The following EFL1 variants were observed in gnomAD, a reference collection of about 807,000 sequenced individuals.
EFL1 encodes the protein elongation factor like GTPase 1.
EFL1 carries 76 observed loss-of-function variants against 126.7 expected under a neutral mutation model. The ratio of observed to expected loss-of-function variants is 0.60; its 90% CI spans 0.50 to 0.73. The LOEUF is 0.73. Ranked by LOEUF, EFL1 falls within the 30% of genes least tolerant of loss-of-function variation. The pLI, the probability that EFL1 is intolerant of heterozygous loss-of-function variation, is 0.00. For synonymous variants in EFL1, 410 were observed against 448.4 expected, an observed-to-expected ratio of 0.91 and a Z score of 1.08; for missense variants, 1,128 against 1,343.2, an observed-to-expected ratio of 0.84 and a Z score of 2.50.
At chr15:82,154,924 T>A (rs11855089) in intron 17 of EFL1, among the ~76,000 whole-genome samples, 53 of 152,088 alleles carry the variant, frequency 3.5e-4, no homozygotes, top group Admixed American at 1.1e-3. Flanking sequence ...ACCTGCCCGA[T>A]TAATTTATTT....
At chr15:82,159,879 T>C (rs565828156) in intron 16 of EFL1, 9 of 152,338 alleles carry the variant, frequency 5.9e-5, no homozygotes, top group Admixed American at 2.6e-4. Context: ...CCTTTTCCAG[T>C]GATAATGGTC....
At chr15:82,152,520 A>G in intron 17 of EFL1, 97 bp from the exon 18 acceptor site, 1 of 1,020,524 alleles carries the variant, frequency 9.8e-7, no homozygotes. Flanking sequence ...TTCTGTAAAA[A>G]CATAGGAACA....
intron 4 of EFL1, among the ~76,000 whole-genome samples, chr15:82,246,562 T>C (rs1465144008): frequency 6.7e-6 from 1 of 148,946 alleles, no homozygotes; most frequent in Admixed American, 6.6e-5. Context: ...GAAGGATTTA[T>C]GTATTTTTTT....
chr15:82,194,541 C>G (rs940978844), intron 15 of EFL1, among the ~76,000 whole-genome samples: 9 of 152,060 alleles, frequency 5.9e-5, no homozygotes, highest in African/African-American at 2.2e-4. Flanking sequence ...AAAGTATAGT[C>G]AAAAATGCAC....
intron 15 of EFL1, among the ~76,000 whole-genome samples, chr15:82,169,365 G>A (rs1239096472): frequency 6.6e-6 from 1 of 151,964 alleles, no homozygotes; most frequent in Non-Finnish European, 1.5e-5. Flanking sequence ...TGGTGGTCTG[G>A]CTTTCTTATG....
intron 3 of EFL1, among the ~76,000 whole-genome samples, chr15:82,254,079 G>C (rs1411935078): frequency 6.6e-6 from 1 of 152,168 alleles, no homozygotes; most frequent in African/African-American, 2.4e-5. Context: ...TTTCAGAAAA[G>C]CTTCCATTTC....
At chr15:82,143,747 C>G (rs972421727) in intron 18 of EFL1, among the ~76,000 whole-genome samples, 1 of 152,126 alleles carries the variant, frequency 6.6e-6, no homozygotes, top group African/African-American at 2.4e-5. Context: ...TCTGCTAGCA[C>G]CTCTTACTAT....
chr15:82,261,643 A>C, intron 2 of EFL1, 45 bp downstream of exon 2: 1 of 1,560,750 alleles, frequency 6.4e-7, no homozygotes, highest in Non-Finnish European at 8.8e-7. Context: ...ACAGAGACAC[A>C]TCTCCCTTAT....
rs140866837 is a variant in EFL1 at position 82,225,273 on chromosome 15, A to G, written c.1193-9T>C. On this transcript the variant is annotated splice_polypyrimidine_tract_variant and intron_variant, in intron 11 of 19. Transcript: ENST00000268206. ...TCCACATTTCATAAAAGCTAAACAA[A>G]TAGGAAGTAAAAATGTCACTATTTT... The G allele has an allele frequency of 6.7e-4, 1,041 of 1,551,550 alleles. 7 individuals are homozygous for G. The African/African-American group carries it at 0.013, about 19-fold the overall frequency.
chr15:82,154,684 AT>A (rs745934592), intron 17 of EFL1, among the ~76,000 whole-genome samples: 2 of 152,142 alleles, frequency 1.3e-5, no homozygotes, highest in Non-Finnish European at 2.9e-5. Context: ...CCTGATTTTT[AT>A]TGTAATAGCC....
chr15:82,162,350 A>C (rs568420447), intron 16 of EFL1, among the ~76,000 whole-genome samples: 1 of 152,356 alleles, frequency 6.6e-6, no homozygotes, highest in South Asian at 2.1e-4. Flanking sequence ...TGTATGTGCA[A>C]ATGCAATAAA....
intron 19 of EFL1, among the ~76,000 whole-genome samples, chr15:82,132,593 T>C (rs928591050): frequency 2.1e-5 from 3 of 143,004 alleles, no homozygotes; most frequent in Non-Finnish European, 4.5e-5. Flanking sequence ...CTCTGGTGGG[T>C]GACAGCAAGT....
At chr15:82,260,178 A>G (rs1364313755) in intron 2 of EFL1, among the ~76,000 whole-genome samples, 2 of 152,174 alleles carry the variant, frequency 1.3e-5, no homozygotes, top group Admixed American at 1.3e-4. Flanking sequence ...ATTTTAAACA[A>G]TACATTTAAA....
intron 15 of EFL1, among the ~76,000 whole-genome samples, chr15:82,190,155 A>G (rs2074344186): frequency 6.6e-6 from 1 of 151,006 alleles, no homozygotes; most frequent in African/African-American, 2.4e-5. Flanking sequence ...TTTGAGTTCT[A>G]TCAGAATTTC....
chr15:82,144,261 CAAAAAAA>C (rs11378860), intron 18 of EFL1, among the ~76,000 whole-genome samples: 1 of 143,904 alleles, frequency 6.9e-6, no homozygotes, highest in African/African-American at 2.6e-5. Context: ...GTCTCCAAAA[CAAAAAAA>C]AAAAAGGAAG....
chr15:82,191,605 G>A, intron 15 of EFL1, among the ~76,000 whole-genome samples: 1 of 141,224 alleles, frequency 7.1e-6, no homozygotes, highest in East Asian at 1.9e-4. Flanking sequence ...CATCCAGTGA[G>A]TGCTTTCATC....
At chr15:82,238,199 T>C in intron 7 of EFL1, 108 bp downstream of exon 7, 1 of 1,236,170 alleles carries the variant, frequency 8.1e-7, no homozygotes, top group Non-Finnish European at 1.1e-6. Flanking sequence ...CATTATCTCT[T>C]ACAACTATAG....
chr15:82,251,685 T>C (rs936507333), intron 4 of EFL1, among the ~76,000 whole-genome samples: 1 of 152,158 alleles, frequency 6.6e-6, no homozygotes, highest in Non-Finnish European at 1.5e-5. Context: ...CGAGAAATCA[T>C]GTGCCTAAGA....
chr15:82,246,963 C>G (rs1449930901), intron 4 of EFL1, among the ~76,000 whole-genome samples: 1 of 151,978 alleles, frequency 6.6e-6, no homozygotes, highest in Non-Finnish European at 1.5e-5. Context: ...AGGATGAAGA[C>G]GTGTAGAGAA....
Sources: gnomAD v4.1 joint callset for allele counts (sites outside exome capture counted in the v4.1 genomes callset) on GRCh38, gnomAD v4.1.1 for gene constraint, MANE v1.5 for transcripts, NCBI Gene and HGNC (gene_info 2026-07-23, HGNC 2026-07-21) for gene names.